PPP1R11: variants seen among roughly 807,000 people sequenced by gnomAD.
PPP1R11 encodes the protein E3 ubiquitin-protein ligase PPP1R11.
A neutral mutation model predicts 11.3 loss-of-function variants in PPP1R11; 10 were observed. That is an observed-to-expected ratio of 0.88 (90% CI 0.55 to 1.50). The LOEUF is 1.50. PPP1R11 is among the 40% of genes most tolerant of loss of function. The probability of loss-of-function intolerance (pLI) is 0.00; values close to 1 mark genes in which losing one functional copy is unlikely to be tolerated. For synonymous variants in PPP1R11, 56 were observed against 62.3 expected, an observed-to-expected ratio of 0.90 and a Z score of 0.48; for missense variants, 114 against 179.1, an observed-to-expected ratio of 0.64 and a Z score of 2.07.
chr6:30,066,241 C>T (rs772324927), upstream of PPP1R11, among the ~76,000 whole-genome samples: 1 of 152,174 alleles, frequency 6.6e-6, no homozygotes, highest in Non-Finnish European at 1.5e-5. Flanking sequence ...CCACTGCCTA[C>T]CTGTCAAGCT....
At chr6:30,061,404 T>G in the PPP1R11 span, 1 of 1,151,562 alleles carries the variant, frequency 8.7e-7, no homozygotes, top group Non-Finnish European at 1.2e-6. This position sits in a 1 kb window ranked among gnomAD's most constrained non-coding sequence, Gnocchi z 5.0. Flanking sequence ...GAGGCGTGCG[T>G]GGCAGGAGGG....
rs1406784985 is a variant in PPP1R11, at chr6:30,069,647, GGTTTTCAA to G, written c.*342_*349del. On this transcript the variant is annotated 3_prime_UTR_variant, in exon 3 of 3. Transcript: ENST00000376772. This position sits in a 1 kb window ranked among gnomAD's most constrained non-coding sequence, Gnocchi z 6.6. ...ACATGAGTAGCGAACACTTAAATTG[GGTTTTCAA>G]CAGTCCCAGCTTTCACTGCCAGGGT... is the stretch of plus-strand genomic sequence containing the variant. 3.3e-6 allele frequency: 1 copy of G among 307,090 alleles called. No homozygotes were observed. Among genetic ancestry groups the G allele is most frequent in the African/African-American group, 2.1e-5 (1 of 46,634 alleles). The allele number at this position is 307,090 out of a possible 1,614,324, so 19.0% of individuals were successfully genotyped here.
At chr6:30,065,695 C>T (rs3121595), upstream of PPP1R11, among the ~76,000 whole-genome samples, 136,651 of 152,060 alleles carry the variant, frequency 0.9, 61,519 homozygotes, top group East Asian at 0.99. The surrounding 1 kb of genome is among the most constrained non-coding windows in gnomAD (Gnocchi z 5.3). Context: ...TAGATTCTTA[C>T]ATAGAAAGAA....
At chr6:30,065,683 A>G (rs1765462823), upstream of PPP1R11, among the ~76,000 whole-genome samples, 1 of 152,132 alleles carries the variant, frequency 6.6e-6, no homozygotes, top group Admixed American at 6.5e-5. This position sits in a 1 kb window ranked among gnomAD's most constrained non-coding sequence, Gnocchi z 5.3. Flanking sequence ...TATCTATTAT[A>G]ATAGATTCTT....
upstream of PPP1R11, chr6:30,064,580 A>C: frequency 8.5e-7 from 1 of 1,183,246 alleles, no homozygotes; most frequent in Non-Finnish European, 1.2e-6. Context: ...CATAAATAAA[A>C]GTCCTTCCTT....
chr6:30,063,151 C>A (rs9261275), upstream of PPP1R11, among the ~76,000 whole-genome samples: 1 of 151,748 alleles, frequency 6.6e-6, no homozygotes, highest in Non-Finnish European at 1.5e-5. This position sits in a 1 kb window ranked among gnomAD's most constrained non-coding sequence, Gnocchi z 4.1. Context: ...TGAGAGTGGA[C>A]TTTTTTTTCA....
At position 30,067,384 on chromosome 6, in the gene PPP1R11, C is replaced by T. The variant is rs1765616549; in HGVS notation, c.-27C>T. On this transcript the variant is annotated 5_prime_UTR_variant, in exon 1 of 3. Coordinates refer to ENST00000376772, the MANE Select transcript of PPP1R11 (RefSeq NM_021959.3). Reference sequence around the variant, plus strand: ...GAAGGGTGTCTCATCCCCCTTCCTCCTCTCCTCCCTGTCCTGAGCCTTAGC... The same window carrying T: ...GAAGGGTGTCTCATCCCCCTTCCTCTTCTCCTCCCTGTCCTGAGCCTTAGC... 1 of 1,608,206 alleles carries T rather than the reference C, an allele frequency of 6.2e-7. No homozygotes were observed. The highest frequency in any genetic ancestry group is 1.1e-5 in the South Asian group (1 of 90,914).
At chr6:30,064,948 A>G (rs1582367339), upstream of PPP1R11, 1 of 381,294 alleles carries the variant, frequency 2.6e-6, no homozygotes, top group Non-Finnish European at 4.6e-6. Context: ...TCCAAAAGGA[A>G]TTTAAATGAG....
At chr6:30,061,566 G>T in the PPP1R11 span, 14,806 of 1,613,066 alleles carry the variant, frequency 9.2e-3, 219 homozygotes, top group Middle Eastern at 0.055. The surrounding 1 kb of genome is among the most constrained non-coding windows in gnomAD (Gnocchi z 5.0). Flanking sequence ...CCAGCTTTCA[G>T]TCGGACCTGG....
At chr6:30,064,413 T>C (rs1389359373), upstream of PPP1R11, among the ~76,000 whole-genome samples, 3 of 151,866 alleles carry the variant, frequency 2.0e-5, no homozygotes, top group Non-Finnish European at 4.4e-5. Context: ...GTTCAGCTTA[T>C]CCTTTTTTTT....
At chr6:30,067,518 G>A in intron 1 of PPP1R11, 39 bp downstream of exon 1, 2 of 1,585,394 alleles carry the variant, frequency 1.3e-6, no homozygotes, top group Non-Finnish European at 1.7e-6. Context: ...TAGGGGTCTG[G>A]GAGATACTGG....
upstream of PPP1R11, chr6:30,064,581 G>T: frequency 8.3e-7 from 1 of 1,202,780 alleles, no homozygotes; most frequent in Non-Finnish European, 1.2e-6. Context: ...ATAAATAAAA[G>T]TCCTTCCTTG....
At chr6:30,064,331 T>G (rs1765342552), upstream of PPP1R11, among the ~76,000 whole-genome samples, 1 of 152,024 alleles carries the variant, frequency 6.6e-6, no homozygotes, top group Non-Finnish European at 1.5e-5. Context: ...AAGAAGATTT[T>G]TTTTCCCAGC....
upstream of PPP1R11, chr6:30,062,365 C>T: frequency 6.9e-7 from 1 of 1,443,680 alleles, no homozygotes; most frequent in Non-Finnish European, 9.7e-7. Context: ...TCTGCTCAGT[C>T]TGTTTGCTAA....
chr6:30,063,441 A>G (rs1226539297), upstream of PPP1R11, among the ~76,000 whole-genome samples: 1 of 151,490 alleles, frequency 6.6e-6, no homozygotes, highest in African/African-American at 2.4e-5. The surrounding 1 kb of genome is among the most constrained non-coding windows in gnomAD (Gnocchi z 4.1). Flanking sequence ...GTTCTATTTA[A>G]TTACTTTTCA....
intron 1 of PPP1R11, chr6:30,067,788 G>A (rs1317478646): frequency 5.2e-6 from 2 of 381,704 alleles, no homozygotes. Context: ...GAAGATGTTG[G>A]GAGGAAATCA....
intron 1 of PPP1R11, chr6:30,068,345 C>G (rs1010896697): frequency 5.5e-6 from 2 of 364,604 alleles, no homozygotes; most frequent in Non-Finnish European, 9.8e-6. Flanking sequence ...TTGCTGGGAC[C>G]TTTCCTAGGT....
At chr6:30,068,516 G>A in intron 1 of PPP1R11, 74 bp from the exon 2 acceptor site, 1 of 1,208,866 alleles carries the variant, frequency 8.3e-7, no homozygotes, top group Non-Finnish European at 1.2e-6. Flanking sequence ...GAAAAGAGAG[G>A]AGGTTCCCTG....
the PPP1R11 span, chr6:30,061,500 C>T: frequency 6.2e-7 from 1 of 1,611,170 alleles, no homozygotes; most frequent in Non-Finnish European, 8.5e-7. This position sits in a 1 kb window ranked among gnomAD's most constrained non-coding sequence, Gnocchi z 5.0. Context: ...AATAAACTTC[C>T]AACTCCCTCC....
Sources: allele counts gnomAD v4.1 joint callset (sites outside exome capture counted in the v4.1 genomes callset), GRCh38; gene constraint gnomAD v4.1.1; non-coding constraint Gnocchi (gnomAD v3.1); transcripts MANE v1.5; gene names NCBI Gene and HGNC (gene_info 2026-07-23, HGNC 2026-07-21).